The following ARHGAP28 variants were observed in gnomAD, a reference collection of about 807,000 sequenced individuals.
ARHGAP28 encodes the protein rho GTPase-activating protein 28.
ARHGAP28 carries 56 observed loss-of-function variants against 90.7 expected under a neutral mutation model. The ratio of observed to expected loss-of-function variants is 0.62; its 90% CI spans 0.50 to 0.77. ARHGAP28 has a LOEUF of 0.77. Among genes scored for constraint, ARHGAP28 ranks in the 30% least tolerant of loss-of-function variants. The pLI, the probability that ARHGAP28 is intolerant of heterozygous loss-of-function variation, is 0.00. For missense variants in ARHGAP28, 869 were observed against 900.9 expected (o/e 0.96, Z 0.45); for synonymous variants, 308 against 323.3 (o/e 0.95, Z 0.51).
chr18:6,792,183 G>A lies in ARHGAP28; in HGVS notation c.123-32579G>A, dbSNP rs574085056. ...GAGGAAGGGATAGAATTACAAATGG[G>A]TGTGAGAAGACTTTTGTAACTGATG... On this transcript the variant is annotated intron_variant, in intron 1 of 17. Transcript: ENST00000383472. Among the ~76,000 whole-genome samples the A allele has an allele frequency of 2.0e-5, 3 of 152,288 alleles. No homozygotes were observed. The South Asian group carries it at 6.2e-4, about 32-fold the overall frequency.
chr18:6,838,638 T>C (rs2056772474), intron 3 of ARHGAP28, among the ~76,000 whole-genome samples: 1 of 152,250 alleles, frequency 6.6e-6, no homozygotes, highest in Non-Finnish European at 1.5e-5. Flanking sequence ...TTTTAATTTT[T>C]CTTAATCTTA....
intron 1 of ARHGAP28, among the ~76,000 whole-genome samples, chr18:6,800,212 G>T: frequency 6.6e-6 from 1 of 152,196 alleles, no homozygotes; most frequent in Non-Finnish European, 1.5e-5. Context: ...GGAAACAACC[G>T]ATGCTGGAGA....
chr18:6,733,682 A>T (rs1451442620), intron 1 of ARHGAP28, among the ~76,000 whole-genome samples: 1 of 152,240 alleles, frequency 6.6e-6, no homozygotes, highest in African/African-American at 2.4e-5. Context: ...CAAGAAAACC[A>T]TCAAGATACA....
At chr18:6,843,626 G>A (rs1039833900) in intron 3 of ARHGAP28, among the ~76,000 whole-genome samples, 2 of 152,212 alleles carry the variant, frequency 1.3e-5, no homozygotes, top group African/African-American at 4.8e-5. Flanking sequence ...GACACTTGGA[G>A]TAATTTGCAG....
rs73386355 is a variant in ARHGAP28 at position 6,890,044 on chromosome 18, A to G, written c.1693A>G (p.Ile565Val). The change falls in exon 13 of 18, where the codon ATC becomes GTC. Residue 565 changes from isoleucine (I) to valine (V), a missense_variant. Ile to Val is a conservative substitution (Grantham distance 29). Transcript: ENST00000383472. ...ACTGTTAGCAAACACTGCGGCCCAC[A>G]TCATCCGCCTAATGCTTAAGTACCA... The part of the protein sequence containing the change: ...ELLLANTAAH[I>V]IRLMLKYQKI... The G allele has an allele frequency of 2.8e-3, 4,496 of 1,614,222 alleles. 108 individuals are homozygous for G. In the African/African-American group the frequency reaches 0.054, roughly 19 times the overall value.
intron 1 of ARHGAP28, among the ~76,000 whole-genome samples, chr18:6,822,632 C>A (rs11081275): frequency 0.022 from 3,337 of 152,120 alleles, 140 homozygotes; most frequent in African/African-American, 0.076. Flanking sequence ...TCTTATCACA[C>A]AACACATAAA....
chr18:6,740,447 C>T (rs2055966804), intron 1 of ARHGAP28, among the ~76,000 whole-genome samples: 1 of 152,154 alleles, frequency 6.6e-6, no homozygotes, highest in African/African-American at 2.4e-5. Flanking sequence ...TGATGCCAAC[C>T]TCAGATGAGC....
intron 10 of ARHGAP28, among the ~76,000 whole-genome samples, chr18:6,881,538 G>C (rs1238479642): frequency 2.6e-5 from 4 of 152,192 alleles, no homozygotes; most frequent in African/African-American, 7.2e-5. Context: ...TATTTGCACA[G>C]TGTTCCAAAC....
intron 5 of ARHGAP28, among the ~76,000 whole-genome samples, chr18:6,861,533 C>T (rs920682842): frequency 2.0e-5 from 3 of 152,152 alleles, no homozygotes; most frequent in African/African-American, 7.2e-5. Context: ...GACCCCTTGT[C>T]GGCCTCTGTA....
chr18:6,851,158 G>A (rs767381693), intron 4 of ARHGAP28, 32 bp downstream of exon 4: 3 of 1,592,276 alleles, frequency 1.9e-6, no homozygotes, highest in Admixed American at 3.4e-5. Flanking sequence ...ATGGTGGTAG[G>A]CATGAAATAA....
intron 5 of ARHGAP28, among the ~76,000 whole-genome samples, chr18:6,867,765 ATAT>A (rs1021348703): frequency 5.9e-5 from 9 of 152,358 alleles, no homozygotes; most frequent in South Asian, 4.1e-4. Context: ...TTAACAAATG[ATAT>A]TATAATTATC....
At position 6,860,509 on chromosome 18, in the gene ARHGAP28, A is replaced by G. The variant is rs1045683721; in HGVS notation, c.726+612A>G. ...AGGGAGGATATGATAGACCCTCCACAGAAGACAGTGAGAGACCCCATCAGA... is the reference window on the plus strand; with the variant it reads ...AGGGAGGATATGATAGACCCTCCACGGAAGACAGTGAGAGACCCCATCAGA... On this transcript the variant is annotated intron_variant, in intron 5 of 17. Transcript: ENST00000383472. Among the ~76,000 whole-genome samples the G allele has an allele frequency of 3.9e-5, 6 of 152,158 alleles. No individual in the cohort carries two copies. In the East Asian group the frequency reaches 9.6e-4, roughly 24 times the overall value.
In ARHGAP28 at chr18:6,808,211, C is replaced by T. The variant is rs568856555; in HGVS notation, c.123-16551C>T. 4.6e-5 allele frequency among the ~76,000 whole-genome samples: 7 copies of T among 152,120 alleles called. No homozygotes were observed. In the East Asian group the frequency reaches 1.2e-3, roughly 25 times the overall value. On this transcript the variant is annotated intron_variant, in intron 1 of 17. Transcript: ENST00000383472. ...TCTCTGTGTGTTTCTGTTTATTCAC[C>T]AGTATCTAATGTATTGTTAATTCTA...
intron 3 of ARHGAP28, among the ~76,000 whole-genome samples, chr18:6,846,772 T>G (rs1425176992): frequency 6.6e-6 from 1 of 152,196 alleles, no homozygotes; most frequent in Non-Finnish European, 1.5e-5. Context: ...ATGTCCCACC[T>G]GGCTCTGCCT....
intron 1 of ARHGAP28, among the ~76,000 whole-genome samples, chr18:6,811,213 T>A (rs1369262768): frequency 6.6e-6 from 1 of 152,158 alleles, no homozygotes; most frequent in Non-Finnish European, 1.5e-5. Context: ...GCAACTGGGG[T>A]CACCCTTGCC....
chr18:6,785,186 T>A (rs2056356282), intron 1 of ARHGAP28, among the ~76,000 whole-genome samples: 1 of 152,180 alleles, frequency 6.6e-6, no homozygotes, highest in African/African-American at 2.4e-5. Flanking sequence ...TACTCCCCAT[T>A]TGAGTCCCTG....
intron 11 of ARHGAP28, among the ~76,000 whole-genome samples, chr18:6,883,399 T>C (rs1406261779): frequency 6.6e-6 from 1 of 152,142 alleles, no homozygotes; most frequent in East Asian, 1.9e-4. Context: ...CCACCACACC[T>C]GTCTGATTTT....
chr18:6,797,810 C>T (rs563429562), intron 1 of ARHGAP28, among the ~76,000 whole-genome samples: 2 of 152,032 alleles, frequency 1.3e-5, no homozygotes, highest in African/African-American at 4.8e-5. Context: ...TACAGTCACG[C>T]GCCACCACAC....
At chr18:6,832,009 T>A (rs1362988174) in intron 2 of ARHGAP28, among the ~76,000 whole-genome samples, 6 of 152,080 alleles carry the variant, frequency 3.9e-5, no homozygotes, top group Admixed American at 3.9e-4. Context: ...TCCTTTTGTT[T>A]ATGTTTTTGT....
Sources: allele counts gnomAD v4.1 joint callset (sites outside exome capture counted in the v4.1 genomes callset), GRCh38; gene constraint gnomAD v4.1.1; transcripts MANE v1.5; gene names NCBI Gene and HGNC (gene_info 2026-07-23, HGNC 2026-07-21).